The following PCNX2 variants were observed in gnomAD, a reference collection of about 807,000 sequenced individuals.
PCNX2 encodes pecanex 2, also known as pecanex-like protein 2.
A neutral mutation model predicts 223.8 loss-of-function variants in PCNX2; 168 were observed. The ratio of observed to expected loss-of-function variants is 0.75; its 90% CI spans 0.66 to 0.85. PCNX2 has a LOEUF of 0.85. Ranked by LOEUF, PCNX2 falls within the 40% of genes least tolerant of loss-of-function variation. The pLI is 0.00. For missense variants in PCNX2, 2,507 were observed against 2,675.5 expected (o/e 0.94, Z 1.39); for synonymous variants, 1,006 against 1,052.6 (o/e 0.96, Z 0.86).
chr1:233,117,982 C>G (rs1675522473), intron 21 of PCNX2, among the ~76,000 whole-genome samples: 1 of 149,248 alleles, frequency 6.7e-6, no homozygotes, highest in Admixed American at 6.7e-5. Context: ...TGCACTCCAG[C>G]CTGGGCGACA....
intron 23 of PCNX2, among the ~76,000 whole-genome samples, chr1:233,083,871 T>C (rs1475386024): frequency 6.6e-6 from 1 of 152,106 alleles, no homozygotes; most frequent in Non-Finnish European, 1.5e-5. Context: ...ATTTCCCCTG[T>C]TGATTTGATG....
At chr1:233,138,158 T>C (rs1676916178) in intron 20 of PCNX2, among the ~76,000 whole-genome samples, 1 of 152,236 alleles carries the variant, frequency 6.6e-6, no homozygotes, top group Non-Finnish European at 1.5e-5. Context: ...AGTGAAACAA[T>C]TGCTGATGTG....
At chr1:232,994,065 T>A (rs1051162412) in intron 32 of PCNX2, among the ~76,000 whole-genome samples, 4 of 152,164 alleles carry the variant, frequency 2.6e-5, no homozygotes, top group Admixed American at 2.6e-4. Flanking sequence ...AAATGTGGGG[T>A]TGGAGCCCCC....
At chr1:233,192,905 G>A (rs1680497518) in intron 15 of PCNX2, among the ~76,000 whole-genome samples, 1 of 150,148 alleles carries the variant, frequency 6.7e-6, no homozygotes, top group Non-Finnish European at 1.5e-5. Flanking sequence ...ATACTGAATT[G>A]CACACAAAAA....
chr1:233,006,610 T>A (rs1470438858), intron 28 of PCNX2, among the ~76,000 whole-genome samples: 1 of 152,152 alleles, frequency 6.6e-6, no homozygotes, highest in African/African-American at 2.4e-5. Flanking sequence ...TTATCTTAAG[T>A]CTTAATGAAC....
intron 15 of PCNX2, among the ~76,000 whole-genome samples, chr1:233,195,782 A>G (rs1680692013): frequency 6.6e-6 from 1 of 152,308 alleles, no homozygotes; most frequent in East Asian, 1.9e-4. Flanking sequence ...AGTAACAAAG[A>G]CTGTGGTATA....
chr1:233,239,250 C>T (rs1431241718), intron 8 of PCNX2, among the ~76,000 whole-genome samples: 1 of 152,128 alleles, frequency 6.6e-6, no homozygotes, highest in Non-Finnish European at 1.5e-5. Flanking sequence ...CACCCTCTAT[C>T]GCCAACTGAA....
At chr1:233,009,228 A>G (rs560696111) in intron 28 of PCNX2, among the ~76,000 whole-genome samples, 134 of 152,330 alleles carry the variant, frequency 8.8e-4, no homozygotes, top group African/African-American at 3.1e-3. Context: ...TCTGCCCAGT[A>G]CCTAGTGGGC....
intron 8 of PCNX2, among the ~76,000 whole-genome samples, chr1:233,239,096 T>C (rs1054297588): frequency 1.3e-5 from 2 of 152,164 alleles, no homozygotes; most frequent in Non-Finnish European, 2.9e-5. Flanking sequence ...TTCAGAGATA[T>C]CTTAAACGGA....
At chr1:233,325,232 G>A in the PCNX2 span, among the ~76,000 whole-genome samples, 1 of 152,134 alleles carries the variant, frequency 6.6e-6, no homozygotes, top group Middle Eastern at 3.2e-3. Context: ...CATGGGAGGA[G>A]ATCAAAATAT....
chr1:233,266,626 G>A (rs369665274), intron 1 of PCNX2, among the ~76,000 whole-genome samples: 1 of 152,206 alleles, frequency 6.6e-6, no homozygotes, highest in Non-Finnish European at 1.5e-5. Context: ...CGCCATAGAT[G>A]AGCAGTTATG....
chr1:233,116,567 A>C (rs1441407507), intron 21 of PCNX2, among the ~76,000 whole-genome samples: 3 of 152,216 alleles, frequency 2.0e-5, no homozygotes, highest in Admixed American at 2.0e-4. Flanking sequence ...TCAAAGAGGA[A>C]GTCTTAAGGG....
At position 233,259,189 on chromosome 1, in the gene PCNX2, T is replaced by C; in HGVS notation, c.673A>G (p.Asn225Asp). ...CCTCCTCTTTCCTTTCCTTTACCAT[T>C]GATGAGAGTTTCTGTGGCAACTGGT... Reference protein sequence around the residue: ...VKPVATETLINGKGKERGGKG... With the variant: ...VKPVATETLIDGKGKERGGKG... Residue 225 changes from asparagine to aspartate, a missense_variant, in exon 5 of 34, where the codon AAT (asparagine) becomes GAT (aspartate). Transcript: ENST00000258229. 6.2e-7 allele frequency: 1 copy of C among 1,613,928 alleles called. No individual in the cohort carries two copies. Among genetic ancestry groups the C allele is most frequent in the Non-Finnish European group, 8.5e-7 (1 of 1,179,874 alleles).
Position 233,218,019 on chromosome 1 carries a change from A to G in PCNX2, c.2658+12T>C. 6.2e-7 allele frequency: 1 copy of G among 1,611,362 alleles called. No homozygotes were observed. ...AGCACACGCTACTGGTAAGAATTAG[A>G]TGTGGTCTTGCCTTTAGCAGGGAGT... On this transcript the variant is annotated intron_variant, in intron 11 of 33. Coordinates refer to ENST00000258229, the MANE Select transcript of PCNX2 (RefSeq NM_014801.4).
At chr1:233,323,180 G>A in the PCNX2 span, among the ~76,000 whole-genome samples, 2 of 152,222 alleles carry the variant, frequency 1.3e-5, no homozygotes, top group Non-Finnish European at 2.9e-5. Context: ...TGTTTGTGGT[G>A]TTGATTTATC....
chr1:233,051,392 C>T (rs570149496), intron 25 of PCNX2, among the ~76,000 whole-genome samples: 1 of 152,212 alleles, frequency 6.6e-6, no homozygotes, highest in African/African-American at 2.4e-5. Context: ...GACACATGCA[C>T]TCATATGTTC....
At chr1:233,141,523 G>T (rs1170195197) in intron 19 of PCNX2, among the ~76,000 whole-genome samples, 1 of 152,050 alleles carries the variant, frequency 6.6e-6, no homozygotes, top group Non-Finnish European at 1.5e-5. Flanking sequence ...AAAGTTAGCT[G>T]GGCATGGTGG....
At chr1:233,230,660 G>A (rs1358995314) in intron 9 of PCNX2, among the ~76,000 whole-genome samples, 1 of 152,044 alleles carries the variant, frequency 6.6e-6, no homozygotes, top group East Asian at 1.9e-4. Flanking sequence ...GGAAAAGCGA[G>A]GACAAAGGAA....
Position 232,999,203 on chromosome 1 carries a change from G to A in PCNX2, c.5505C>T (p.Thr1835=). Residue 1835 remains threonine, a synonymous_variant, in exon 31 of 34, where the codon ACC becomes ACT. Transcript: ENST00000258229. ...LGYPMYVSPL[T]TSYLGTHRQL... ...GCCTGTGTGTCCCTAGGTAGGATGTGGTTAGTGGGGAGACATACATGGGGT... is the reference window on the plus strand; with the variant it reads ...GCCTGTGTGTCCCTAGGTAGGATGTAGTTAGTGGGGAGACATACATGGGGT... 2 of 1,613,928 alleles carry A rather than the reference G, an allele frequency of 1.2e-6. No homozygotes were observed. The highest frequency in any genetic ancestry group is 1.7e-6 in the Non-Finnish European group (2 of 1,179,878).
Sources: allele counts gnomAD v4.1 joint callset (sites outside exome capture counted in the v4.1 genomes callset), GRCh38; gene constraint gnomAD v4.1.1; transcripts MANE v1.5; gene names NCBI Gene and HGNC (gene_info 2026-07-23, HGNC 2026-07-21).